The following ARHGAP15 variants were observed in gnomAD, a reference collection of about 807,000 sequenced individuals.
ARHGAP15 encodes the protein rho GTPase-activating protein 15.
In ARHGAP15, 51 loss-of-function variants were observed where a neutral mutation model predicts 63.7. The observed-to-expected ratio is 0.80, with a 90% CI of 0.64 to 1.01. The LOEUF (loss-of-function observed/expected upper bound fraction) is 1.01, where lower values mean the gene tolerates loss of function less well. ARHGAP15 is among the 50% of genes least tolerant of loss of function. The pLI is 0.00. For synonymous variants in ARHGAP15, 191 were observed against 193.8 expected, an observed-to-expected ratio of 0.99 and a Z score of 0.12; for missense variants, 560 against 564.6, an observed-to-expected ratio of 0.99 and a Z score of 0.08.
chr2:143,261,785 T>C (rs973043615), intron 6 of ARHGAP15, among the ~76,000 whole-genome samples: 2 of 152,182 alleles, frequency 1.3e-5, no homozygotes, highest in African/African-American at 4.8e-5. Flanking sequence ...GTTTATTTGA[T>C]TGAAGAAAGC....
chr2:143,625,069 T>G (rs1382211488), intron 12 of ARHGAP15, among the ~76,000 whole-genome samples: 2 of 152,214 alleles, frequency 1.3e-5, no homozygotes, highest in African/African-American at 2.4e-5. Context: ...GTATGCTTAC[T>G]GTAACTGTGA....
intron 12 of ARHGAP15, among the ~76,000 whole-genome samples, chr2:143,648,292 T>C (rs996697366): frequency 6.6e-6 from 1 of 152,092 alleles, no homozygotes; most frequent in African/African-American, 2.4e-5. Flanking sequence ...ATTTGTGTGC[T>C]TGAATGCAGA....
chr2:143,423,441 T>C (rs185886251), intron 6 of ARHGAP15, among the ~76,000 whole-genome samples: 1 of 152,260 alleles, frequency 6.6e-6, no homozygotes, highest in African/African-American at 2.4e-5. Flanking sequence ...ACCCCTTTAT[T>C]GAGAGCTGGT....
rs573392201 is a variant in ARHGAP15, at chr2:143,397,657, A to T, written c.475-37944A>T. Among the ~76,000 whole-genome samples, 686 of 152,178 alleles carry T rather than the reference A, an allele frequency of 4.5e-3. 7 individuals carry two copies. Among genetic ancestry groups the T allele is most frequent in the African/African-American group, 0.016 (653 of 41,544 alleles). On this transcript the variant is annotated intron_variant, in intron 6 of 13. Coordinates refer to ENST00000295095, the MANE Select transcript of ARHGAP15 (RefSeq NM_018460.4). ...TTTTCATAAATAGCAATTTAACAAAACCTAACACTTTAATGTGACAAAACC... is the reference window on the plus strand; with the variant it reads ...TTTTCATAAATAGCAATTTAACAAATCCTAACACTTTAATGTGACAAAACC...
Position 143,627,077 on chromosome 2 carries a change from T to C in ARHGAP15, c.1138+2810T>C, listed in dbSNP as rs114132827. ...CATCTATTAGCCAGAGAGTGGGCCCTCACCAATACATTAAATGGGCTGTCA... is the reference window on the plus strand; with the variant it reads ...CATCTATTAGCCAGAGAGTGGGCCCCCACCAATACATTAAATGGGCTGTCA... On this transcript the variant is annotated intron_variant, in intron 12 of 13. Transcript: ENST00000295095. 4.6e-3 allele frequency among the ~76,000 whole-genome samples: 699 copies of C among 152,264 alleles called. 8 individuals are homozygous for C. The highest frequency in any genetic ancestry group is 0.016 in the African/African-American group (648 of 41,554).
chr2:143,142,160 C>T (rs1689396653), intron 1 of ARHGAP15, among the ~76,000 whole-genome samples: 1 of 152,036 alleles, frequency 6.6e-6, no homozygotes, highest in Non-Finnish European at 1.5e-5. Context: ...ATTGTTCAGG[C>T]CCAACAACAT....
intron 8 of ARHGAP15, among the ~76,000 whole-genome samples, chr2:143,439,093 T>C (rs561425081): frequency 6.6e-6 from 1 of 152,258 alleles, no homozygotes; most frequent in East Asian, 1.9e-4. Context: ...AAAAGACAAT[T>C]ATTTTTCTAC....
At chr2:143,595,484 G>A (rs779403848) in intron 11 of ARHGAP15, among the ~76,000 whole-genome samples, 33 of 151,910 alleles carry the variant, frequency 2.2e-4, no homozygotes, top group African/African-American at 2.9e-4. Context: ...TACCATCTTC[G>A]CTTACACATT....
chr2:143,165,739 T>C (rs1301117710), intron 2 of ARHGAP15, among the ~76,000 whole-genome samples: 1 of 152,040 alleles, frequency 6.6e-6, no homozygotes, highest in Non-Finnish European at 1.5e-5. Context: ...ATCTGGCTGA[T>C]ACTTGATAAT....
intron 6 of ARHGAP15, among the ~76,000 whole-genome samples, chr2:143,340,731 G>A (rs577952801): frequency 1.3e-5 from 2 of 152,106 alleles, no homozygotes; most frequent in South Asian, 2.1e-4. Flanking sequence ...CTGAAAGAAG[G>A]CAACTTTGGT....
chr2:143,147,746 A>G (rs543621412), intron 1 of ARHGAP15, among the ~76,000 whole-genome samples: 5 of 152,138 alleles, frequency 3.3e-5, no homozygotes, highest in Admixed American at 3.3e-4. Context: ...AGCATTGAAC[A>G]TGTACCTAGA....
At chr2:143,653,931 T>C (rs1470055050) in intron 12 of ARHGAP15, among the ~76,000 whole-genome samples, 2 of 152,218 alleles carry the variant, frequency 1.3e-5, no homozygotes, top group African/African-American at 4.8e-5. Flanking sequence ...ATTAAGTTTT[T>C]ATCCTGAAGG....
intron 2 of ARHGAP15, among the ~76,000 whole-genome samples, chr2:143,180,799 G>A (rs354676): frequency 4.0e-5 from 6 of 151,856 alleles, no homozygotes; most frequent in African/African-American, 9.7e-5. Flanking sequence ...TCAGCCTCCC[G>A]AGTAGCTGGG....
chr2:143,299,903 A>G (rs1682818846), intron 6 of ARHGAP15, among the ~76,000 whole-genome samples: 1 of 151,914 alleles, frequency 6.6e-6, no homozygotes, highest in Non-Finnish European at 1.5e-5. Context: ...AGTAATATTA[A>G]AGAGGAAGGG....
intron 5 of ARHGAP15, chr2:143,236,020 C>T (rs1693628983): frequency 5.9e-6 from 9 of 1,534,616 alleles, no homozygotes; most frequent in Non-Finnish European, 7.9e-6. Flanking sequence ...TTTGGTTAAA[C>T]AAAACCCATT....
At chr2:143,670,507 T>A (rs915947055) in intron 12 of ARHGAP15, among the ~76,000 whole-genome samples, 1 of 152,144 alleles carries the variant, frequency 6.6e-6, no homozygotes, top group Admixed American at 6.5e-5. Context: ...CACAGCAGCA[T>A]ACCCCATGTT....
At chr2:143,580,530 T>C (rs1696857105) in intron 11 of ARHGAP15, among the ~76,000 whole-genome samples, 1 of 152,156 alleles carries the variant, frequency 6.6e-6, no homozygotes, top group Admixed American at 6.6e-5. Context: ...GAAATTCTCT[T>C]GCTTAGCCCA....
At chr2:143,376,002 T>C (rs1553471092) in intron 6 of ARHGAP15, among the ~76,000 whole-genome samples, 2 of 152,150 alleles carry the variant, frequency 1.3e-5, no homozygotes, top group Non-Finnish European at 2.9e-5. Flanking sequence ...AACAAACAAA[T>C]ACACACGCAT....
chr2:143,332,500 T>G (rs1472855504), intron 6 of ARHGAP15, among the ~76,000 whole-genome samples: 1 of 152,154 alleles, frequency 6.6e-6, no homozygotes, highest in Non-Finnish European at 1.5e-5. Context: ...AAGATGAATA[T>G]CACTTCATAA....
Sources: gnomAD v4.1 joint callset for allele counts (sites outside exome capture counted in the v4.1 genomes callset) on GRCh38, gnomAD v4.1.1 for gene constraint, MANE v1.5 for transcripts, NCBI Gene and HGNC (gene_info 2026-07-23, HGNC 2026-07-21) for gene names.